Variants in FOCAD observed in about 807,000 individuals in gnomAD.
FOCAD encodes the protein focadhesin.
FOCAD carries 198 observed loss-of-function variants against 225.6 expected under a neutral mutation model. The ratio of observed to expected loss-of-function variants is 0.88; its 90% CI spans 0.78 to 0.99. The LOEUF (loss-of-function observed/expected upper bound fraction) is 0.99, where lower values mean the gene tolerates loss of function less well. Among genes scored for constraint, FOCAD ranks in the 50% least tolerant of loss-of-function variants. The pLI, the probability that FOCAD is intolerant of heterozygous loss-of-function variation, is 0.00. For synonymous variants in FOCAD, 897 were observed against 755.0 expected (o/e 1.19, Z -3.08); for missense variants, 2,713 against 2,123.6 (o/e 1.28, Z -5.46).
At chr9:20,870,630 C>T (rs1587459254) in intron 18 of FOCAD, among the ~76,000 whole-genome samples, 1 of 152,292 alleles carries the variant, frequency 6.6e-6, no homozygotes, top group African/African-American at 2.4e-5. Flanking sequence ...TGCTAGGCAA[C>T]AGCATCAGAT....
At chr9:20,723,629 A>G (rs1825966231) in intron 4 of FOCAD, among the ~76,000 whole-genome samples, 2 of 152,224 alleles carry the variant, frequency 1.3e-5, no homozygotes, top group South Asian at 4.1e-4. Flanking sequence ...GTCTTATTAT[A>G]TTCTATGTAA....
chr9:20,731,907 A>G (rs904384725), intron 4 of FOCAD, among the ~76,000 whole-genome samples: 1 of 152,078 alleles, frequency 6.6e-6, no homozygotes, highest in Admixed American at 6.5e-5. Context: ...GTGAGCCACT[A>G]TACCTGGCCA....
chr9:20,945,264 T>C (rs951303595), intron 29 of FOCAD, among the ~76,000 whole-genome samples: 13 of 152,224 alleles, frequency 8.5e-5, no homozygotes, highest in African/African-American at 3.1e-4. Context: ...ATATGCAGAA[T>C]TGGAGTTCAT....
In FOCAD at chr9:20,916,894, G is replaced by C; in HGVS notation, c.2809G>C (p.Val937Leu). ...GTCTATTTTCCATCTTTATTGCAGG[G>C]TTAGAGACATGCTGACTGATGAGAT... ...QYKKSTAWLW[V>L]RDMLTDEITK... is the part of the protein sequence containing the mutation. The change falls in exon 24 of 44, where the codon GTT becomes CTT. Residue 937 changes from valine to leucine, a missense_variant and splice_region_variant. Coordinates refer to ENST00000338382, the MANE Select transcript of FOCAD (RefSeq NM_001375567.1). The C allele has an allele frequency of 6.2e-7, 1 of 1,605,714 alleles. No homozygotes were observed. Among genetic ancestry groups the C allele is most frequent in the Non-Finnish European group, 8.5e-7 (1 of 1,177,122 alleles).
intron 28 of FOCAD, among the ~76,000 whole-genome samples, chr9:20,939,983 A>G (rs1237922847): frequency 1.4e-5 from 2 of 146,094 alleles, no homozygotes; most frequent in Admixed American, 7.4e-5. Context: ...GTTCCCACCT[A>G]TGAGTGAGAA....
At position 20,990,199 on chromosome 9, in the gene FOCAD, G is replaced by T. The variant is rs1427929379; in HGVS notation, c.5081G>T (p.Gly1694Val). The T allele has an allele frequency of 1.2e-6, 2 of 1,614,178 alleles. No individual in the cohort carries two copies. The highest frequency in any genetic ancestry group is 1.7e-5 in the Admixed American group (1 of 60,034). Residue 1694 changes from glycine to valine, a missense_variant, in exon 42 of 44, where the codon GGC (glycine) becomes GTC (valine). Physicochemically the swap from Gly to Val is moderately radical, Grantham distance 109 (BLOSUM62 -3). Coordinates refer to ENST00000338382, the MANE Select transcript of FOCAD (RefSeq NM_001375567.1). ...GACCACACTGCCCCTCTCCTCCTCG[G>T]CCTCAGTGCCAGTTGGTTGCCATGG... ...WADHTAPLLL[G>V]LSASWLPWHQ...
At chr9:20,758,496 C>T (rs1368217736) in intron 6 of FOCAD, among the ~76,000 whole-genome samples, 3 of 151,282 alleles carry the variant, frequency 2.0e-5, no homozygotes, top group Non-Finnish European at 2.9e-5. Flanking sequence ...GGTATATCTC[C>T]TAATGCTATC....
chr9:20,776,646 C>T (rs1025241666), intron 8 of FOCAD, among the ~76,000 whole-genome samples: 6 of 152,192 alleles, frequency 3.9e-5, no homozygotes, highest in Non-Finnish European at 7.4e-5. Flanking sequence ...TTTTTGCCTT[C>T]ATACTTTTAA....
chr9:20,849,152 A>G (rs532388701), intron 15 of FOCAD, among the ~76,000 whole-genome samples: 40 of 152,068 alleles, frequency 2.6e-4, no homozygotes, highest in African/African-American at 9.4e-4. Context: ...ACTTCTCTTG[A>G]GTGAAAAGAG....
At chr9:20,946,626 A>G in intron 29 of FOCAD, 75 bp from the exon 30 acceptor site, 1 of 1,510,132 alleles carries the variant, frequency 6.6e-7, no homozygotes, top group Non-Finnish European at 8.9e-7. Flanking sequence ...GTTTGACAGA[A>G]TATCTTGTCA....
chr9:20,939,801 G>A (rs1296836211), intron 28 of FOCAD, among the ~76,000 whole-genome samples: 1 of 146,004 alleles, frequency 6.8e-6, no homozygotes, highest in Non-Finnish European at 1.5e-5. Flanking sequence ...TGTGCACAAC[G>A]CGCAGGTTTG....
At chr9:20,920,465 A>G (rs1473930837) in intron 24 of FOCAD, among the ~76,000 whole-genome samples, 3 of 126,722 alleles carry the variant, frequency 2.4e-5, no homozygotes, top group African/African-American at 9.2e-5. Context: ...ATTACTGGGT[A>G]TATACCCAAA....
intron 35 of FOCAD, among the ~76,000 whole-genome samples, chr9:20,968,688 C>G (rs923956255): frequency 6.6e-6 from 1 of 151,974 alleles, no homozygotes; most frequent in African/African-American, 2.4e-5. Flanking sequence ...ATCTGCCCAC[C>G]TCGGCCTCCC....
chr9:20,660,702 A>G (rs1214965176), intron 2 of FOCAD, among the ~76,000 whole-genome samples: 3 of 152,194 alleles, frequency 2.0e-5, no homozygotes, highest in African/African-American at 4.8e-5. Flanking sequence ...CAGACTCAGA[A>G]AAGTGTTCAC....
chr9:20,812,861 T>A (rs1037554950), intron 11 of FOCAD, among the ~76,000 whole-genome samples: 2 of 152,292 alleles, frequency 1.3e-5, no homozygotes, highest in East Asian at 3.9e-4. Flanking sequence ...ATCCCAGGAT[T>A]TTTTGTGTAT....
intron 1 of FOCAD, among the ~76,000 whole-genome samples, chr9:20,705,447 A>G (rs924874499): frequency 2.6e-5 from 4 of 152,174 alleles, no homozygotes; most frequent in African/African-American, 9.6e-5. Context: ...GTCATTTTTA[A>G]GGGGAGAAAA....
chr9:20,851,244 T>C (rs747413768), intron 15 of FOCAD, among the ~76,000 whole-genome samples: 42 of 151,380 alleles, frequency 2.8e-4, no homozygotes, highest in Admixed American at 6.6e-4. Context: ...GGGGGTGTTA[T>C]TATTTAGATC....
At chr9:20,854,170 C>T (rs1403143187) in intron 15 of FOCAD, among the ~76,000 whole-genome samples, 3 of 151,690 alleles carry the variant, frequency 2.0e-5, no homozygotes, top group African/African-American at 7.2e-5. Flanking sequence ...AGGCTGTTCT[C>T]AGGAATTTCT....
intron 7 of FOCAD, among the ~76,000 whole-genome samples, chr9:20,765,924 G>C (rs1005432609): frequency 2.0e-5 from 3 of 152,188 alleles, no homozygotes; most frequent in Admixed American, 1.3e-4. Flanking sequence ...CTTTAAGTTT[G>C]TGTTAGCAGG....
Sources: allele counts gnomAD v4.1 joint callset (sites outside exome capture counted in the v4.1 genomes callset), GRCh38; gene constraint gnomAD v4.1.1; transcripts MANE v1.5; gene names NCBI Gene and HGNC (gene_info 2026-07-23, HGNC 2026-07-21).